The following DAB1 variants were observed in gnomAD, a reference collection of about 807,000 sequenced individuals.
DAB1 encodes the protein DAB adaptor protein 1, also known as disabled homolog 1.
In DAB1, 15 loss-of-function variants were observed where a neutral mutation model predicts 64.6. The ratio of observed to expected loss-of-function variants is 0.23; its 90% CI spans 0.16 to 0.36. The LOEUF is 0.36. Among genes scored for constraint, DAB1 ranks in the 10% least tolerant of loss-of-function variants. The pLI, the probability that DAB1 is intolerant of heterozygous loss-of-function variation, is 1.00. For missense variants in DAB1, 596 were observed against 706.7 expected (o/e 0.84, Z 1.78); for synonymous variants, 235 against 251.9 (o/e 0.93, Z 0.64).
chr1:57,689,215 G>T (rs1646735491), intron 6 of DAB1, among the ~76,000 whole-genome samples: 1 of 152,162 alleles, frequency 6.6e-6, no homozygotes, highest in Admixed American at 6.6e-5. Context: ...AAGCTGTCTT[G>T]TGAAAGGGGG....
chr1:57,354,599 G>T (rs564496078), intron 1 of DAB1, among the ~76,000 whole-genome samples: 1 of 152,064 alleles, frequency 6.6e-6, no homozygotes, highest in Non-Finnish European at 1.5e-5. Flanking sequence ...TTTCTAAACA[G>T]TGGCAGCAAA....
intron 5 of DAB1, chr1:58,056,406 G>A (rs899588916): frequency 9.0e-6 from 14 of 1,562,768 alleles, no homozygotes; most frequent in Non-Finnish European, 1.1e-5. Context: ...ATCGGGCACA[G>A]TTAGTGCAGC....
intron 1 of DAB1, among the ~76,000 whole-genome samples, chr1:57,408,443 A>T (rs1184836634): frequency 6.6e-6 from 1 of 152,198 alleles, no homozygotes; most frequent in African/African-American, 2.4e-5. Context: ...AAAGATTCTC[A>T]GTAGCCTCAT....
intron 5 of DAB1, among the ~76,000 whole-genome samples, chr1:58,095,095 G>A (rs1650899806): frequency 1.3e-5 from 2 of 152,236 alleles, no homozygotes; most frequent in South Asian, 2.1e-4. Context: ...GCTAGAGTTC[G>A]CTGACCCCGG....
intron 5 of DAB1, among the ~76,000 whole-genome samples, chr1:58,136,155 A>G (rs1653931220): frequency 6.6e-6 from 1 of 152,192 alleles, no homozygotes; most frequent in African/African-American, 2.4e-5. Context: ...GGAGCAGGTC[A>G]TCTGAAACTA....
At chr1:57,324,699 C>T (rs527826012) in intron 1 of DAB1, among the ~76,000 whole-genome samples, 1 of 152,104 alleles carries the variant, frequency 6.6e-6, no homozygotes, top group East Asian at 1.9e-4. Flanking sequence ...CACTAGCAGC[C>T]CCCACCCCAC....
intron 7 of DAB1, among the ~76,000 whole-genome samples, chr1:57,452,876 A>G (rs1422326011): frequency 2.6e-5 from 4 of 152,010 alleles, no homozygotes; most frequent in African/African-American, 9.7e-5. Context: ...AGGAAAGAAG[A>G]GAGAAAGAGG....
chr1:57,633,070 T>A (rs994987387), intron 7 of DAB1, among the ~76,000 whole-genome samples: 1 of 152,224 alleles, frequency 6.6e-6, no homozygotes, highest in Non-Finnish European at 1.5e-5. Flanking sequence ...AAGAATATTG[T>A]TCTCTAAATC....
At chr1:57,566,730 A>C (rs1645126651) in intron 7 of DAB1, among the ~76,000 whole-genome samples, 1 of 152,222 alleles carries the variant, frequency 6.6e-6, no homozygotes, top group Non-Finnish European at 1.5e-5. Flanking sequence ...AACCAGGAAG[A>C]AGTTAAATCC....
chr1:57,528,181 A>G (rs998610786), intron 7 of DAB1, among the ~76,000 whole-genome samples: 134 of 152,278 alleles, frequency 8.8e-4, no homozygotes, highest in African/African-American at 3.2e-3. Context: ...TGAAACCTGT[A>G]ACAAGGAAGC....
chr1:57,285,969 G>C (rs1211509770), intron 2 of DAB1, among the ~76,000 whole-genome samples: 1 of 152,078 alleles, frequency 6.6e-6, no homozygotes, highest in Non-Finnish European at 1.5e-5. Flanking sequence ...CTTTTCCTCA[G>C]GTCTTCCATC....
intron 4 of DAB1, among the ~76,000 whole-genome samples, chr1:58,336,690 T>C (rs911220061): frequency 1.3e-5 from 2 of 152,118 alleles, no homozygotes; most frequent in African/African-American, 4.8e-5. Flanking sequence ...CTGGATGAAG[T>C]ATTCTTTTTT....
At chr1:57,481,163 A>G (rs1644014285) in intron 7 of DAB1, among the ~76,000 whole-genome samples, 2 of 152,260 alleles carry the variant, frequency 1.3e-5, no homozygotes, top group African/African-American at 2.4e-5. Flanking sequence ...CCCACACTAC[A>G]TCCCTTACCA....
At chr1:58,135,244 A>G (rs1281168472) in intron 5 of DAB1, among the ~76,000 whole-genome samples, 1 of 152,102 alleles carries the variant, frequency 6.6e-6, no homozygotes, top group South Asian at 2.1e-4. Flanking sequence ...GTCCTAAACC[A>G]CCGTTTATCA....
intron 9 of DAB1, among the ~76,000 whole-genome samples, chr1:57,057,899 C>G (rs7529992): frequency 6.6e-6 from 1 of 152,056 alleles, no homozygotes; most frequent in Non-Finnish European, 1.5e-5. Context: ...TGAGCCACCG[C>G]GCCCGGCCTA....
At chr1:57,481,080 C>T (rs1205639703) in intron 7 of DAB1, among the ~76,000 whole-genome samples, 1 of 152,156 alleles carries the variant, frequency 6.6e-6, no homozygotes, top group Admixed American at 6.5e-5. Flanking sequence ...AGTCCAGGCA[C>T]TACCAAGATT....
chr1:57,643,058 T>A (rs1458456337), intron 7 of DAB1, among the ~76,000 whole-genome samples: 1 of 152,226 alleles, frequency 6.6e-6, no homozygotes, highest in Non-Finnish European at 1.5e-5. Flanking sequence ...ATTGTTCACA[T>A]ATAAATGTGT....
intron 5 of DAB1, among the ~76,000 whole-genome samples, chr1:58,013,315 G>T (rs1446064986): frequency 2.6e-5 from 4 of 152,222 alleles, no homozygotes; most frequent in Non-Finnish European, 2.9e-5. Context: ...GTAATGTATT[G>T]TTTCCCATTA....
chr1:58,128,250 GCTCT>G (rs1484177930), intron 5 of DAB1, among the ~76,000 whole-genome samples: 3 of 151,088 alleles, frequency 2.0e-5, no homozygotes, highest in African/African-American at 7.3e-5. Flanking sequence ...TCATGATTTG[GCTCT>G]CTGTTTGTCT....
Sources: allele counts gnomAD v4.1 joint callset (sites outside exome capture counted in the v4.1 genomes callset), GRCh38; gene constraint gnomAD v4.1.1; transcripts MANE v1.5; gene names NCBI Gene and HGNC (gene_info 2026-07-23, HGNC 2026-07-21).